The following APPBP2 variants were observed in gnomAD, a reference collection of about 807,000 sequenced individuals.
APPBP2 encodes amyloid protein-binding protein 2.
In APPBP2, 15 loss-of-function variants were observed where a neutral mutation model predicts 76.0. The ratio of observed to expected loss-of-function variants is 0.20; its 90% CI spans 0.13 to 0.30. The LOEUF (loss-of-function observed/expected upper bound fraction) is 0.30, where lower values mean the gene tolerates loss of function less well. APPBP2 is among the 10% of genes least tolerant of loss of function. The pLI is 1.00. For synonymous variants in APPBP2, 222 were observed against 242.2 expected (o/e 0.92, Z 0.77); for missense variants, 401 against 687.2 (o/e 0.58, Z 4.66).
chr17:60,499,528 G>C (rs528087255), intron 2 of APPBP2, among the ~76,000 whole-genome samples: 234 of 152,168 alleles, frequency 1.5e-3, no homozygotes, highest in African/African-American at 5.5e-3. Flanking sequence ...AACAAAAGTA[G>C]AATTACCATA....
intron 1 of APPBP2, among the ~76,000 whole-genome samples, chr17:60,523,671 T>C (rs1427495338): frequency 6.6e-6 from 1 of 152,188 alleles, no homozygotes; most frequent in African/African-American, 2.4e-5. Context: ...TCTATTTTTT[T>C]TAAATTTTAA....
chr17:60,453,545 TTTG>T (rs2090411026), intron 11 of APPBP2, among the ~76,000 whole-genome samples: 1 of 151,254 alleles, frequency 6.6e-6, no homozygotes, highest in African/African-American at 2.5e-5. Context: ...TGTTTTTTTT[TTTG>T]TTTTTTTTGA....
Position 60,456,255 on chromosome 17 carries a change from C to A in APPBP2, c.1147+41G>T, listed in dbSNP as rs769515457. 4.7e-6 allele frequency: 6 copies of A among 1,278,460 alleles called. No individual in the cohort carries two copies. The East Asian group carries it at 9.3e-5, about 20-fold the overall frequency. The allele number at this position is 1,278,460 out of a possible 1,614,324, so 79.2% of individuals were successfully genotyped here. On this transcript the variant is annotated intron_variant, in intron 10 of 12. Transcript: ENST00000083182. ...AATACCCCTATTTTATACCATATAT[C>A]ATCTATTTTAAAATATCTGAGACTA...
rs142724743 is a variant in APPBP2 at position 60,525,541 on chromosome 17, G to A, written c.138+253C>T. On this transcript the variant is annotated intron_variant, in intron 1 of 12. Transcript: ENST00000083182. ...CCACGCAAAAGGCCTACCCAAGAGG[G>A]CCACTGTGTAGAAGGGAACACCAAC... is the stretch of plus-strand genomic sequence containing the variant. 3.3e-3 allele frequency among the ~76,000 whole-genome samples: 504 copies of A among 152,296 alleles called. 3 individuals carry two copies. Among genetic ancestry groups the A allele is most frequent in the African/African-American group, 0.012 (478 of 41,560 alleles).
chr17:60,472,575 T>C (rs1222329055), intron 4 of APPBP2, among the ~76,000 whole-genome samples: 1 of 152,240 alleles, frequency 6.6e-6, no homozygotes, highest in African/African-American at 2.4e-5. Flanking sequence ...GGTATGGTTT[T>C]AATTTCAAGT....
rs543412725 is a variant in APPBP2, at chr17:60,465,378, A to C, written c.672+913T>G. 5.4e-4 allele frequency among the ~76,000 whole-genome samples: 82 copies of C among 152,342 alleles called. 3 individuals carry two copies. Among genetic ancestry groups the C allele is most frequent in the Non-Finnish European group, 3.2e-4 (22 of 68,028 alleles). The stretch of plus-strand genomic sequence containing the variant: ...ATAACCTAGCCTATCCTAACACAAA[A>C]ACATGATGCTAATTCATCAAACCAT... On this transcript the variant is annotated intron_variant, in intron 5 of 12. Transcript: ENST00000083182.
At chr17:60,523,460 A>T (rs1328448728) in intron 1 of APPBP2, among the ~76,000 whole-genome samples, 1 of 151,940 alleles carries the variant, frequency 6.6e-6, no homozygotes, top group African/African-American at 2.4e-5. Context: ...TCACAACTGC[A>T]CTCCAGCCTG....
intron 1 of APPBP2, among the ~76,000 whole-genome samples, chr17:60,505,833 G>A (rs1164445221): frequency 7.3e-5 from 11 of 151,430 alleles, no homozygotes; most frequent in Admixed American, 4.0e-4. Context: ...ACAGGCGCCC[G>A]CCACCATGCC....
At chr17:60,466,947 T>C (rs1215584205) in intron 4 of APPBP2, among the ~76,000 whole-genome samples, 1 of 152,244 alleles carries the variant, frequency 6.6e-6, no homozygotes, top group Admixed American at 6.5e-5. Context: ...ATAGCAGTAG[T>C]GTCAACTATT....
intron 4 of APPBP2, among the ~76,000 whole-genome samples, chr17:60,476,535 T>C (rs891442754): frequency 6.6e-6 from 1 of 152,104 alleles, no homozygotes; most frequent in African/African-American, 2.4e-5. Flanking sequence ...ATAAATTATA[T>C]TAAATACACC....
rs561302288 is a variant in APPBP2 at position 60,525,290 on chromosome 17, C to A, written c.138+504G>T. ...TATTTCCAATAATCCCTAACTCCTT[C>A]CCAATTGGGAAAAGAAAGGAGAAAC... On this transcript the variant is annotated intron_variant, in intron 1 of 12. Transcript: ENST00000083182. Among the ~76,000 whole-genome samples, 6 of 152,302 alleles carry A rather than the reference C, an allele frequency of 3.9e-5. 1 individual carries two copies. In the South Asian group the frequency reaches 1.2e-3, roughly 32 times the overall value.
intron 4 of APPBP2, among the ~76,000 whole-genome samples, chr17:60,471,616 A>T (rs1358172642): frequency 6.6e-6 from 1 of 150,564 alleles, no homozygotes; most frequent in Non-Finnish European, 1.5e-5. Context: ...AACATGGTGT[A>T]TCACACTGAT....
intron 3 of APPBP2, among the ~76,000 whole-genome samples, chr17:60,487,906 C>T (rs1451839506): frequency 1.3e-5 from 2 of 152,154 alleles, no homozygotes; most frequent in African/African-American, 2.4e-5. Context: ...TAGTTTATGT[C>T]GATGCTATTC....
In APPBP2 at chr17:60,494,373, A is replaced by AT; in HGVS notation, c.379+92_379+93insA. On this transcript the variant is annotated intron_variant, in intron 3 of 12. Transcript: ENST00000083182. Reference sequence around the variant, plus strand: ...TGTTCTTCTCATAACCTTCTTACGTAGACTTTGGGAAAGCCCTGGAAGAAT... The same window carrying AT: ...TGTTCTTCTCATAACCTTCTTACGTATGACTTTGGGAAAGCCCTGGAAGAAT... 2.1e-6 allele frequency: 3 copies of AT among 1,413,010 alleles called. No homozygotes were observed. The South Asian group carries it at 3.8e-5, about 18-fold the overall frequency. The allele number at this position is 1,413,010 out of a possible 1,614,324, so 87.5% of individuals were successfully genotyped here.
At chr17:60,521,242 C>G (rs2091007621) in intron 1 of APPBP2, among the ~76,000 whole-genome samples, 1 of 152,160 alleles carries the variant, frequency 6.6e-6, no homozygotes, top group Non-Finnish European at 1.5e-5. Flanking sequence ...AAAAAGGTGG[C>G]CCCATAAGAT....
chr17:60,466,588 G>T (rs2090513264), intron 4 of APPBP2, 129 bp from the exon 5 acceptor site: 1 of 908,426 alleles, frequency 1.1e-6, no homozygotes, highest in Non-Finnish European at 1.6e-6. Flanking sequence ...GAAAATAAGT[G>T]TGTGGCCCAA....
At chr17:60,494,713 T>C (rs1320763772) in intron 2 of APPBP2, 96 bp from the exon 3 acceptor site, 1 of 1,137,860 alleles carries the variant, frequency 8.8e-7, no homozygotes, top group Admixed American at 3.1e-5. Flanking sequence ...AGCACCATTA[T>C]TTTCCAGGAC....
intron 1 of APPBP2, among the ~76,000 whole-genome samples, chr17:60,522,051 T>A (rs532784518): frequency 2.0e-4 from 30 of 152,226 alleles, no homozygotes; most frequent in Non-Finnish European, 3.5e-4. Flanking sequence ...CACTCTCTGA[T>A]GTTCCCACAA....
intron 1 of APPBP2, among the ~76,000 whole-genome samples, chr17:60,505,042 C>T (rs1598370358): frequency 6.6e-6 from 1 of 152,060 alleles, no homozygotes; most frequent in South Asian, 2.1e-4. Context: ...TCCACTTTTG[C>T]TTCTAAATTG....
Sources: allele counts gnomAD v4.1 joint callset (sites outside exome capture counted in the v4.1 genomes callset), GRCh38; gene constraint gnomAD v4.1.1; transcripts MANE v1.5; gene names NCBI Gene and HGNC (gene_info 2026-07-23, HGNC 2026-07-21).